RAB27A: variants seen among roughly 807,000 people sequenced by gnomAD.
RAB27A encodes ras-related protein Rab-27A.
Under a neutral mutation model 20.8 loss-of-function variants are expected in RAB27A, and 17 were observed. The observed-to-expected ratio is 0.82, with a 90% CI of 0.56 to 1.23. The LOEUF (loss-of-function observed/expected upper bound fraction) is 1.23, where lower values mean the gene tolerates loss of function less well. Among genes scored for constraint, RAB27A ranks in the 50% most tolerant of loss-of-function variants. The probability of loss-of-function intolerance (pLI) is 0.00; values close to 1 mark genes in which losing one functional copy is unlikely to be tolerated. For synonymous variants in RAB27A, 85 were observed against 92.8 expected, an observed-to-expected ratio of 0.92 and a Z score of 0.48; for missense variants, 277 against 266.7, an observed-to-expected ratio of 1.04 and a Z score of -0.27.
At chr15:55,282,053 C>T (rs1005810537) in intron 1 of RAB27A, among the ~76,000 whole-genome samples, 1 of 152,134 alleles carries the variant, frequency 6.6e-6, no homozygotes, top group Non-Finnish European at 1.5e-5. Flanking sequence ...ACAGAGCAGG[C>T]ACTTGGATAT....
intron 6 of RAB27A, among the ~76,000 whole-genome samples, chr15:55,209,599 G>A (rs540549890): frequency 3.3e-5 from 5 of 151,834 alleles, no homozygotes; most frequent in African/African-American, 1.2e-4. Context: ...ATAAACATGG[G>A]AGTACAGAGA....
intron 6 of RAB27A, among the ~76,000 whole-genome samples, chr15:55,216,770 C>T (rs559648997): frequency 6.6e-6 from 1 of 152,318 alleles, no homozygotes; most frequent in Admixed American, 6.5e-5. Flanking sequence ...ACCAGAGATG[C>T]TGCACTCAGA....
intron 2 of RAB27A, among the ~76,000 whole-genome samples, chr15:55,307,041 C>T (rs1165597917): frequency 6.6e-6 from 1 of 152,034 alleles, no homozygotes; most frequent in Non-Finnish European, 1.5e-5. Context: ...ATCCAAGACT[C>T]CACTCCAGCC....
chr15:55,264,496 C>G (rs1423619216), intron 2 of RAB27A, among the ~76,000 whole-genome samples: 1 of 152,068 alleles, frequency 6.6e-6, no homozygotes, highest in East Asian at 1.9e-4. Flanking sequence ...AAACTTGGCT[C>G]AAATGACAAA....
At chr15:55,317,787 A>G (rs1212218533) in intron 1 of RAB27A, 4 of 398,246 alleles carry the variant, frequency 1.0e-5, no homozygotes, top group Non-Finnish European at 1.8e-5. Flanking sequence ...TCAATCTCCT[A>G]AACATTGCTG....
chr15:55,275,454 C>G (rs936998496), intron 1 of RAB27A, among the ~76,000 whole-genome samples: 1 of 151,914 alleles, frequency 6.6e-6, no homozygotes, highest in Non-Finnish European at 1.5e-5. Flanking sequence ...TGGCAAAACC[C>G]CATCTCTACT....
At chr15:55,225,855 T>C (rs766579740) in intron 5 of RAB27A, among the ~76,000 whole-genome samples, 44 of 151,788 alleles carry the variant, frequency 2.9e-4, no homozygotes, top group African/African-American at 9.7e-4. Context: ...AAGGACCCTA[T>C]ACACAGTATA....
At position 55,214,304 on chromosome 15, in the gene RAB27A, T is replaced by C. The variant is rs374654508; in HGVS notation, c.468-8599A>G. 2.1e-3 allele frequency among the ~76,000 whole-genome samples: 312 copies of C among 152,154 alleles called. 1 individual carries two copies. Among genetic ancestry groups the C allele is most frequent in the African/African-American group, 6.9e-3 (286 of 41,534 alleles). On this transcript the variant is annotated intron_variant, in intron 6 of 6. Coordinates refer to ENST00000336787, the MANE Select transcript of RAB27A (RefSeq NM_183235.3). ...ACAAAAAATTAGCCAGGCATGGTGG[T>C]GGACGCCTGTAGTCCCAGCTACTCG...
chr15:55,255,019 A>T (rs538416302), intron 2 of RAB27A, among the ~76,000 whole-genome samples: 29 of 152,360 alleles, frequency 1.9e-4, no homozygotes, highest in African/African-American at 6.5e-4. Context: ...CAAGTTGCTC[A>T]TCACTACACA....
At chr15:55,282,118 G>A (rs1194288016) in intron 1 of RAB27A, among the ~76,000 whole-genome samples, 1 of 152,158 alleles carries the variant, frequency 6.6e-6, no homozygotes, top group Non-Finnish European at 1.5e-5. Context: ...ACCTCCTAAT[G>A]TATTTCAGAG....
chr15:55,275,658 G>C (rs1897845397), intron 1 of RAB27A, among the ~76,000 whole-genome samples: 1 of 150,996 alleles, frequency 6.6e-6, no homozygotes, highest in African/African-American at 2.4e-5. Context: ...GCAACCTATA[G>C]AAGGGAAAAA....
At chr15:55,214,835 TA>T (rs1895204709) in intron 6 of RAB27A, among the ~76,000 whole-genome samples, 1 of 152,318 alleles carries the variant, frequency 6.6e-6, no homozygotes, top group South Asian at 2.1e-4. Context: ...ATTATTGAGC[TA>T]AAATCCTGGG....
At chr15:55,245,300 T>C (rs1896645394) in intron 2 of RAB27A, among the ~76,000 whole-genome samples, 1 of 152,202 alleles carries the variant, frequency 6.6e-6, no homozygotes, top group African/African-American at 2.4e-5. Context: ...GTAGATATGG[T>C]TGCGCCCTCC....
chr15:55,251,946 C>T (rs931278028), intron 2 of RAB27A, among the ~76,000 whole-genome samples: 5 of 151,996 alleles, frequency 3.3e-5, no homozygotes, highest in African/African-American at 2.4e-5. Context: ...ACAGAGAAAC[C>T]CCTAGCACTC....
chr15:55,236,753 A>G (rs1279213419), intron 2 of RAB27A, among the ~76,000 whole-genome samples: 1 of 152,186 alleles, frequency 6.6e-6, no homozygotes, highest in Non-Finnish European at 1.5e-5. Context: ...TTTATGGGGT[A>G]CATGTAATAT....
chr15:55,314,321 C>T (rs2055034500), intron 1 of RAB27A, among the ~76,000 whole-genome samples: 1 of 152,126 alleles, frequency 6.6e-6, no homozygotes, highest in Admixed American at 6.5e-5. Context: ...TTATAGATCT[C>T]ATTGAAAACA....
In RAB27A at chr15:55,279,927, G is replaced by A. The variant is rs114471163; in HGVS notation, c.-142-9643C>T. Among the ~76,000 whole-genome samples, 440 of 152,154 alleles carry A rather than the reference G, an allele frequency of 2.9e-3. 5 individuals carry two copies. The highest frequency in any genetic ancestry group is 0.01 in the African/African-American group (423 of 41,512). On this transcript the variant is annotated intron_variant, in intron 1 of 6. Transcript: ENST00000336787. Reference sequence around the variant, plus strand: ...TTGTAGACAGTGGTTCTCAAGCTTCGGGGTGCATCAGAGTCACCTAGATGG... The same window carrying A: ...TTGTAGACAGTGGTTCTCAAGCTTCAGGGTGCATCAGAGTCACCTAGATGG...
chr15:55,223,413 G>A (rs997177770), intron 6 of RAB27A, among the ~76,000 whole-genome samples: 5 of 151,910 alleles, frequency 3.3e-5, no homozygotes, highest in African/African-American at 4.8e-5. Context: ...GGAGGCTGAG[G>A]TAGGAGAATC....
intron 2 of RAB27A, among the ~76,000 whole-genome samples, chr15:55,269,468 C>A (rs566921672): frequency 2.0e-5 from 3 of 152,118 alleles, no homozygotes; most frequent in Non-Finnish European, 4.4e-5. Flanking sequence ...ACTTTTAGGC[C>A]GGGCACGGTG....
Sources: gnomAD v4.1 joint callset for allele counts (sites outside exome capture counted in the v4.1 genomes callset) on GRCh38, gnomAD v4.1.1 for gene constraint, MANE v1.5 for transcripts, NCBI Gene and HGNC (gene_info 2026-07-23, HGNC 2026-07-21) for gene names.